RAB6A: variants seen among roughly 807,000 people sequenced by gnomAD.
RAB6A encodes the protein ras-related protein Rab-6A.
A neutral mutation model predicts 32.3 loss-of-function variants in RAB6A; 8 were observed. That is an observed-to-expected ratio of 0.25 (90% CI 0.15 to 0.45). RAB6A has a LOEUF of 0.45. Ranked by LOEUF, RAB6A falls within the 20% of genes least tolerant of loss-of-function variation. The pLI, the probability that RAB6A is intolerant of heterozygous loss-of-function variation, is 1.00. For missense variants in RAB6A, 104 were observed against 249.4 expected (o/e 0.42, Z 3.93); for synonymous variants, 73 against 82.1 (o/e 0.89, Z 0.60).
intron 1 of RAB6A, among the ~76,000 whole-genome samples, chr11:73,737,079 A>T (rs1207439118): frequency 6.6e-6 from 1 of 152,146 alleles, no homozygotes; most frequent in Admixed American, 6.6e-5. Context: ...AGAACGTATT[A>T]TCTGCCCTCA....
chr11:73,754,051 A>C (rs1319613741), intron 1 of RAB6A, among the ~76,000 whole-genome samples: 1 of 152,220 alleles, frequency 6.6e-6, no homozygotes, highest in Non-Finnish European at 1.5e-5. Flanking sequence ...CAATAACTCT[A>C]TGATAGGTCT....
In RAB6A at chr11:73,722,303, GTGTATA is replaced by G. The variant is rs1946145323; in HGVS notation, c.130-1410_130-1405del. 12 of 13,928 alleles carry G rather than the reference GTGTATA, an allele frequency of 8.6e-4. 1 individual carries two copies. Among genetic ancestry groups the G allele is most frequent in the African/African-American group, 2.5e-3 (12 of 4,716 alleles). 0.9% of individuals were successfully genotyped at this position (13,928 alleles called of 1,614,324 possible). A position where few individuals can be genotyped will look rare whatever the true frequency, so the allele number is the denominator to read the frequency against. ...ATAAAATTCAAATATATATGTGTGT[GTGTATA>G]TATATATATATATATATATATATAT... On this transcript the variant is annotated intron_variant, in intron 2 of 7. Transcript: ENST00000336083.
intron 6 of RAB6A, among the ~76,000 whole-genome samples, chr11:73,703,125 T>TA (rs1327555671): frequency 1.9e-4 from 29 of 149,030 alleles, no homozygotes; most frequent in African/African-American, 5.4e-4. Context: ...CCTGGCCTAA[T>TA]TAAAAAAAAT....
chr11:73,709,176 C>T (rs145742896), intron 5 of RAB6A, among the ~76,000 whole-genome samples: 50 of 152,180 alleles, frequency 3.3e-4, no homozygotes, highest in African/African-American at 1.2e-3. Flanking sequence ...GAATTAACAT[C>T]AACATCATAC....
At chr11:73,760,007 GT>G in intron 1 of RAB6A, 2 of 1,285,596 alleles carry the variant, frequency 1.6e-6, no homozygotes, top group Non-Finnish European at 2.0e-6. Context: ...TCCCACCCAG[GT>G]GAAAATCATT....
intron 1 of RAB6A, among the ~76,000 whole-genome samples, chr11:73,735,780 A>G (rs1425698306): frequency 6.6e-6 from 1 of 152,126 alleles, no homozygotes; most frequent in Non-Finnish European, 1.5e-5. Context: ...GTAATAACCC[A>G]TATGCAGGAC....
At chr11:73,754,619 A>C (rs1478513231) in intron 1 of RAB6A, among the ~76,000 whole-genome samples, 1 of 152,158 alleles carries the variant, frequency 6.6e-6, no homozygotes, top group Non-Finnish European at 1.5e-5. Flanking sequence ...TTCATTTCAG[A>C]AATGATGTTA....
At chr11:73,684,389 G>A (rs1191603257) in intron 6 of RAB6A, among the ~76,000 whole-genome samples, 4 of 151,850 alleles carry the variant, frequency 2.6e-5, no homozygotes, top group South Asian at 4.2e-4. Context: ...GGCTGGTCTC[G>A]AACTCCTGAC....
chr11:73,714,207 A>ATATATATATATATATATATAT (rs56359106), intron 5 of RAB6A, among the ~76,000 whole-genome samples: 3 of 71,736 alleles, frequency 4.2e-5, no homozygotes, highest in Non-Finnish European at 5.5e-5. Context: ...AAAAAAAAAA[A>ATATATATATATATATATATAT]AAATATATAT....
At chr11:73,678,870 C>T (rs1381593063) in intron 7 of RAB6A, among the ~76,000 whole-genome samples, 3 of 151,302 alleles carry the variant, frequency 2.0e-5, no homozygotes, top group African/African-American at 2.4e-5. Flanking sequence ...GGATTACAGG[C>T]GTGCACTATC....
At chr11:73,705,767 T>TGA (rs3046616) in intron 6 of RAB6A, among the ~76,000 whole-genome samples, 44,901 of 134,470 alleles carry the variant, frequency 0.33, 7,336 homozygotes, top group East Asian at 0.46. Context: ...ATAATTCCGA[T>TGA]GAGAGAGAGA....
intron 1 of RAB6A, chr11:73,759,964 A>G: frequency 2.5e-6 from 3 of 1,214,848 alleles, no homozygotes; most frequent in Admixed American, 2.3e-5. Flanking sequence ...GTCGTCTCCA[A>G]TTCAGATGTT....
intron 1 of RAB6A, among the ~76,000 whole-genome samples, chr11:73,733,378 A>C (rs972301093): frequency 2.6e-5 from 4 of 151,892 alleles, no homozygotes; most frequent in African/African-American, 7.3e-5. Flanking sequence ...GCAAAACCTC[A>C]TTTCTACTAA....
chr11:73,699,386 A>G (rs1250045309), intron 6 of RAB6A, among the ~76,000 whole-genome samples: 2 of 152,134 alleles, frequency 1.3e-5, no homozygotes, highest in Non-Finnish European at 2.9e-5. Context: ...AGGCTCTCTC[A>G]GGCTCCTGAA....
At chr11:73,699,693 TAA>T (rs1407083763) in intron 6 of RAB6A, among the ~76,000 whole-genome samples, 1 of 152,212 alleles carries the variant, frequency 6.6e-6, no homozygotes, top group Non-Finnish European at 1.5e-5. Flanking sequence ...AACAATATCA[TAA>T]GTTTCTTGAA....
intron 6 of RAB6A, 141 bp from the exon 7 acceptor site, chr11:73,679,861 G>A (rs898549990): frequency 4.5e-5 from 46 of 1,016,618 alleles, no homozygotes; most frequent in Non-Finnish European, 6.7e-5. Context: ...GGACCCACCC[G>A]AGGTGGGCAG....
intron 6 of RAB6A, among the ~76,000 whole-genome samples, chr11:73,695,492 G>A (rs1011578128): frequency 7.2e-5 from 11 of 152,040 alleles, no homozygotes; most frequent in South Asian, 4.2e-4. Context: ...TGATTCTCAC[G>A]CCTCAGCCTC....
chr11:73,715,645 G>A lies in RAB6A; in HGVS notation c.401+606C>T, dbSNP rs1049309105. 5.9e-5 allele frequency among the ~76,000 whole-genome samples: 9 copies of A among 152,302 alleles called. No individual in the cohort carries two copies. In the East Asian group the frequency reaches 7.7e-4, roughly 13 times the overall value. ...AAGCAGAAAGAATATGCAGTAAATC[G>A]CTTAAGAATGCTGAAAGCAAATATT... On this transcript the variant is annotated intron_variant, in intron 5 of 7. Coordinates refer to ENST00000336083, the MANE Select transcript of RAB6A (RefSeq NM_198896.2).
chr11:73,748,132 T>A (rs989452949), intron 1 of RAB6A, among the ~76,000 whole-genome samples: 2 of 152,208 alleles, frequency 1.3e-5, no homozygotes, highest in African/African-American at 2.4e-5. Context: ...ATTCTAATGG[T>A]GATTTTTAAA....
Sources: gnomAD v4.1 joint callset for allele counts (sites outside exome capture counted in the v4.1 genomes callset) on GRCh38, gnomAD v4.1.1 for gene constraint, MANE v1.5 for transcripts, NCBI Gene and HGNC (gene_info 2026-07-23, HGNC 2026-07-21) for gene names.